RGMA: variants seen among roughly 807,000 people sequenced by gnomAD.
RGMA encodes repulsive guidance molecule BMP co-receptor a, also known as repulsive guidance molecule A.
In RGMA, 10 loss-of-function variants were observed where a neutral mutation model predicts 23.2. The ratio of observed to expected loss-of-function variants is 0.43; its 90% CI spans 0.27 to 0.73. The LOEUF is 0.73. Ranked by LOEUF, RGMA falls within the 30% of genes least tolerant of loss-of-function variation. The pLI, the probability that RGMA is intolerant of heterozygous loss-of-function variation, is 0.20. For synonymous variants in RGMA, 308 were observed against 279.3 expected, an observed-to-expected ratio of 1.10 and a Z score of -1.03; for missense variants, 547 against 630.5, an observed-to-expected ratio of 0.87 and a Z score of 1.42.
chr15:93,064,585 C>T (rs1895079444), intron 2 of RGMA, among the ~76,000 whole-genome samples: 1 of 152,252 alleles, frequency 6.6e-6, no homozygotes, highest in Non-Finnish European at 1.5e-5. Flanking sequence ...GTGTGTGGGT[C>T]TGTGTTCATG....
chr15:93,045,502 C>T lies in RGMA; in HGVS notation c.849G>A (p.Val283=), dbSNP rs1169245763. The change falls in exon 4 of 4, where the codon GTG becomes GTA. Residue 283 remains valine (V), a synonymous_variant. Transcript: ENST00000329082. The surrounding 1 kb of genome is among the most constrained non-coding windows in gnomAD (Gnocchi z 6.9). ...QAKYIGTTIV[V]RQVGRYLTFA... The stretch of plus-strand genomic sequence containing the variant: ...AGGTCAGGTAGCGGCCCACCTGGCG[C>T]ACCACGATGGTGGTGCCGATGTACT... 2.5e-6 allele frequency: 4 copies of T among 1,613,260 alleles called. No homozygotes were observed. The highest frequency in any genetic ancestry group is 3.3e-5 in the Admixed American group (2 of 60,016).
At chr15:93,066,636 G>A (rs953411284) in intron 2 of RGMA, 8 of 442,822 alleles carry the variant, frequency 1.8e-5, no homozygotes, top group Non-Finnish European at 3.1e-5. Flanking sequence ...CACCGCCGCC[G>A]CCTCCACCTC....
intron 2 of RGMA, among the ~76,000 whole-genome samples, chr15:93,060,316 G>A (rs1333604420): frequency 6.6e-6 from 1 of 152,210 alleles, no homozygotes; most frequent in Non-Finnish European, 1.5e-5. Context: ...TGCACTGCAT[G>A]TCTTGTTTTG....
chr15:93,048,190 T>G (rs2054857741), intron 3 of RGMA, among the ~76,000 whole-genome samples: 1 of 152,168 alleles, frequency 6.6e-6, no homozygotes, highest in African/African-American at 2.4e-5. Context: ...GCTTTGTGGG[T>G]TCCCCATATT....
intron 1 of RGMA, chr15:93,088,591 G>A (rs868276760): frequency 2.8e-6 from 3 of 1,072,680 alleles, no homozygotes; most frequent in South Asian, 3.5e-5. Context: ...GGCTCCGTCC[G>A]GGGCTCCGCG....
intron 1 of RGMA, 166 bp downstream of exon 1, chr15:93,088,753 C>G: frequency 1.3e-6 from 1 of 771,544 alleles, no homozygotes; most frequent in East Asian, 3.4e-5. Context: ...CTGCTGCCAA[C>G]AGCTAAAGCG....
chr15:93,050,953 G>T (rs1240742767), intron 3 of RGMA, among the ~76,000 whole-genome samples: 1 of 152,192 alleles, frequency 6.6e-6, no homozygotes, highest in Non-Finnish European at 1.5e-5. Context: ...GAGGTGGCTG[G>T]GTCCTTGATG....
intron 2 of RGMA, among the ~76,000 whole-genome samples, chr15:93,067,865 C>G (rs971683793): frequency 6.6e-6 from 1 of 151,988 alleles, no homozygotes; most frequent in South Asian, 2.1e-4. Flanking sequence ...TGGCGAGGAT[C>G]GGGGGAGGCA....
At chr15:93,062,501 G>C (rs1379311955) in intron 2 of RGMA, among the ~76,000 whole-genome samples, 1 of 152,174 alleles carries the variant, frequency 6.6e-6, no homozygotes, top group Non-Finnish European at 1.5e-5. Flanking sequence ...CATGCTGGCT[G>C]GTCAGAGTGT....
At chr15:93,054,618 T>G (rs2054983745) in intron 2 of RGMA, among the ~76,000 whole-genome samples, 1 of 152,218 alleles carries the variant, frequency 6.6e-6, no homozygotes, top group African/African-American at 2.4e-5. Flanking sequence ...CCCGGCCATG[T>G]GGAACTATGA....
At chr15:93,065,927 G>A (rs1053645614) in intron 2 of RGMA, 7 of 749,728 alleles carry the variant, frequency 9.3e-6, no homozygotes, top group Admixed American at 1.9e-5. Context: ...CGAGGGACTC[G>A]CACAAACCAC....
chr15:93,059,290 CTT>C (rs1406799434), intron 2 of RGMA, among the ~76,000 whole-genome samples: 1 of 152,228 alleles, frequency 6.6e-6, no homozygotes, highest in Non-Finnish European at 1.5e-5. Context: ...TAACCAGAAG[CTT>C]AATCGATTCC....
At position 93,044,380 on chromosome 15, in the gene RGMA, G is replaced by C. The variant is rs2054777730; in HGVS notation, c.*618C>G. On this transcript the variant is annotated 3_prime_UTR_variant, in exon 4 of 4. Coordinates refer to ENST00000329082, the MANE Select transcript of RGMA (RefSeq NM_020211.3). ...TACCCACAGCAGCCAGGTGAACATG[G>C]GCAGGGAGGCCACAGGCCAGAAGGC... 1 of 153,294 alleles carries C rather than the reference G, an allele frequency of 6.5e-6. No homozygotes were observed. The highest frequency in any genetic ancestry group is 1.5e-5 in the Non-Finnish European group (1 of 68,898). 9.5% of individuals were successfully genotyped at this position (153,294 alleles called of 1,614,324 possible).
chr15:93,057,478 C>A (rs1034574579), intron 2 of RGMA, among the ~76,000 whole-genome samples: 12 of 152,154 alleles, frequency 7.9e-5, no homozygotes. Context: ...GTCTGAGAGC[C>A]GGGAGGAGGG....
rs1321240408 is a variant in RGMA, at chr15:93,043,217, GGCATGCGCACACATGCGTACAT to G, written c.*1759_*1780del. 2.6e-4 allele frequency: 23 copies of G among 87,774 alleles called. No homozygotes were observed. Among genetic ancestry groups the G allele is most frequent in the African/African-American group, 9.5e-4 (23 of 24,122 alleles). 5.4% of individuals were successfully genotyped at this position (87,774 alleles called of 1,614,324 possible). A position where few individuals can be genotyped will look rare whatever the true frequency, so the allele number is the denominator to read the frequency against. The stretch of plus-strand genomic sequence containing the variant: ...ACACATAGGCATGGGCGCACACACA[GGCATGCGCACACATGCGTACAT>G]GCACGCACACAGGCACGCACACACA... On this transcript the variant is annotated 3_prime_UTR_variant, in exon 4 of 4. Coordinates refer to ENST00000329082, the MANE Select transcript of RGMA (RefSeq NM_020211.3).
Position 93,044,918 on chromosome 15 carries a change from C to G in RGMA, c.*80G>C. ...GGCCATGGTGGACACGCCAGGAGAT[C>G]TGCACCCCGTGGGCGGTCCCAGCCC... On this transcript the variant is annotated 3_prime_UTR_variant, in exon 4 of 4. Transcript: ENST00000329082. 1 of 1,228,220 alleles carries G rather than the reference C, an allele frequency of 8.1e-7. No individual in the cohort carries two copies. Among genetic ancestry groups the G allele is most frequent in the Non-Finnish European group, 1.1e-6 (1 of 883,998 alleles). 76.1% of individuals were successfully genotyped at this position (1,228,220 alleles called of 1,614,324 possible).
chr15:93,059,917 A>G (rs1298652286), intron 2 of RGMA, among the ~76,000 whole-genome samples: 1 of 152,240 alleles, frequency 6.6e-6, no homozygotes, highest in Non-Finnish European at 1.5e-5. Context: ...AGAAGGAAGG[A>G]AAGTTTGAGC....
intron 2 of RGMA, 21 bp downstream of exon 2, chr15:93,072,881 ACCCGGCCCCGCGCG>A: frequency 6.4e-7 from 1 of 1,573,850 alleles, no homozygotes; most frequent in South Asian, 1.2e-5. Flanking sequence ...CGGCCCAGGG[ACCCGGCCCCGCGCG>A]CCCGGCCGGC....
At chr15:93,078,690 T>C (rs1372831051) in intron 1 of RGMA, among the ~76,000 whole-genome samples, 1 of 152,230 alleles carries the variant, frequency 6.6e-6, no homozygotes, top group Non-Finnish European at 1.5e-5. Context: ...GGTGATGACA[T>C]TGCTCACCTT....
Sources: gnomAD v4.1 joint callset for allele counts (sites outside exome capture counted in the v4.1 genomes callset) on GRCh38, gnomAD v4.1.1 for gene constraint, Gnocchi (gnomAD v3.1) non-coding constraint, MANE v1.5 for transcripts, NCBI Gene and HGNC (gene_info 2026-07-23, HGNC 2026-07-21) for gene names.